The following ADGRD1 variants were observed in gnomAD, a reference collection of about 807,000 sequenced individuals.
ADGRD1 encodes the protein adhesion G protein-coupled receptor D1.
A neutral mutation model predicts 113.4 loss-of-function variants in ADGRD1; 77 were observed. That is an observed-to-expected ratio of 0.68 (90% confidence interval 0.57 to 0.82). The LOEUF (loss-of-function observed/expected upper bound fraction) is 0.82, where lower values mean the gene tolerates loss of function less well. Among genes scored for constraint, ADGRD1 ranks in the 40% least tolerant of loss-of-function variants. The probability of loss-of-function intolerance (pLI) is 0.00; values close to 1 mark genes in which losing one functional copy is unlikely to be tolerated. For synonymous variants in ADGRD1, 474 were observed against 475.0 expected (o/e 1.00, Z 0.03); for missense variants, 1,036 against 1,139.1 (o/e 0.91, Z 1.30).
intron 21 of ADGRD1, 124 bp from the exon 22 acceptor site, chr12:131,135,913 C>G: frequency 3.0e-6 from 3 of 984,950 alleles, no homozygotes; most frequent in East Asian, 5.2e-5. Flanking sequence ...AGGGAGGACC[C>G]CAGGTCTTGC....
At position 131,067,007 on chromosome 12, in the gene ADGRD1, C is replaced by T. The variant is rs113290012; in HGVS notation, c.1474-9794C>T. The stretch of plus-strand genomic sequence containing the variant: ...GGGCTTTCACAAACCCTGTACAGGG[C>T]AGGGTGAGCAGGTAGACGGGGCTGC... On this transcript the variant is annotated intron_variant, in intron 13 of 24. Transcript: ENST00000261654. Among the ~76,000 whole-genome samples the T allele has an allele frequency of 6.2e-3, 944 of 152,236 alleles. 14 individuals carry two copies. The highest frequency in any genetic ancestry group is 0.036 in the Admixed American group (550 of 15,302).
chr12:131,116,656 C>T (rs1950471594), intron 18 of ADGRD1, among the ~76,000 whole-genome samples: 1 of 152,208 alleles, frequency 6.6e-6, no homozygotes, highest in Non-Finnish European at 1.5e-5. Context: ...GCTCTTCGTG[C>T]ACTTCCATCC....
At chr12:131,078,634 G>A (rs927327896) in intron 14 of ADGRD1, among the ~76,000 whole-genome samples, 8 of 152,230 alleles carry the variant, frequency 5.3e-5, no homozygotes, top group Admixed American at 1.3e-4. Flanking sequence ...AGAAAAGTAC[G>A]GAGAATAATA....
At chr12:130,958,567 G>T (rs930391361) in intron 2 of ADGRD1, among the ~76,000 whole-genome samples, 1 of 152,132 alleles carries the variant, frequency 6.6e-6, no homozygotes, top group Non-Finnish European at 1.5e-5. Flanking sequence ...CTGCTGAAAA[G>T]CCGCATCCCT....
chr12:131,135,508 G>A (rs1252873615), intron 21 of ADGRD1, among the ~76,000 whole-genome samples: 1 of 152,194 alleles, frequency 6.6e-6, no homozygotes, highest in Non-Finnish European at 1.5e-5. Flanking sequence ...CTCACCGTCA[G>A]TGTCACAGGA....
In ADGRD1 at chr12:130,987,241, G is replaced by C. The variant is rs1873811198; in HGVS notation, c.637G>C (p.Glu213Gln). 6.2e-7 allele frequency: 1 copy of C among 1,614,240 alleles called. No individual in the cohort carries two copies. The highest frequency in any genetic ancestry group is 8.5e-7 in the Non-Finnish European group (1 of 1,180,036). The change falls in exon 6 of 25, where the codon GAG (glutamate) becomes CAG (glutamine). Residue 213 changes from glutamate to glutamine, a missense_variant. Physicochemically the swap from Glu to Gln is conservative, Grantham distance 29. Coordinates refer to ENST00000261654, the MANE Select transcript of ADGRD1 (RefSeq NM_198827.5). ...ESNVNLVIGSEQDQAKCYENG... is the reference protein window; with the variant it reads ...ESNVNLVIGSQQDQAKCYENG... ...CAACGTCAACCTCGTGATAGGGTCT[G>C]AGCAGGACCAGGCCAAGTGTTATGA...
rs1415850202 is a variant in ADGRD1 at position 131,060,218 on chromosome 12, C to T, written c.1474-16583C>T. Among the ~76,000 whole-genome samples, 1 of 152,240 alleles carries T rather than the reference C, an allele frequency of 6.6e-6. No individual in the cohort carries two copies. The highest frequency in any genetic ancestry group is 1.5e-5 in the Non-Finnish European group (1 of 68,050). ...CACTCGGTCTTCTCCAGTGCCACCT[C>T]CCTGGGGATGCTCGGGGCATCCGCC... On this transcript the variant is annotated intron_variant, in intron 13 of 24. Coordinates refer to ENST00000261654, the MANE Select transcript of ADGRD1 (RefSeq NM_198827.5). The surrounding 1 kb of genome is among the most constrained non-coding windows in gnomAD (Gnocchi z 4.4).
rs757150423 is a variant in ADGRD1 at position 130,982,077 on chromosome 12, T to G, written c.490+14T>G. 6.2e-7 allele frequency: 1 copy of G among 1,610,126 alleles called. No individual in the cohort carries two copies. The highest frequency in any genetic ancestry group is 8.5e-7 in the Non-Finnish European group (1 of 1,177,644). ...TCAGCCCCCCAGGTGAGTGACAGCATCGGTCCCGGGAGGCTCTGCCTGGAG... is the reference window on the plus strand; with the variant it reads ...TCAGCCCCCCAGGTGAGTGACAGCAGCGGTCCCGGGAGGCTCTGCCTGGAG... On this transcript the variant is annotated intron_variant, in intron 5 of 24. Coordinates refer to ENST00000261654, the MANE Select transcript of ADGRD1 (RefSeq NM_198827.5).
Position 131,096,255 on chromosome 12 carries a change from T to A in ADGRD1, c.1672-8576T>A, listed in dbSNP as rs1338370392. The stretch of plus-strand genomic sequence containing the variant: ...GCACCCTTTATTTTTATTTACAATT[T>A]ATTTGTGTTAGAGACAAGGTTGCAC... On this transcript the variant is annotated intron_variant, in intron 15 of 24. Transcript: ENST00000261654. The surrounding 1 kb of genome is among the most constrained non-coding windows in gnomAD (Gnocchi z 5.2). Among the ~76,000 whole-genome samples the A allele has an allele frequency of 6.6e-6, 1 of 152,216 alleles. No homozygotes were observed. Among genetic ancestry groups the A allele is most frequent in the Non-Finnish European group, 1.5e-5 (1 of 68,048 alleles).
intron 13 of ADGRD1, among the ~76,000 whole-genome samples, chr12:131,048,522 AT>A (rs1883067882): frequency 6.6e-6 from 1 of 152,114 alleles, no homozygotes; most frequent in Non-Finnish European, 1.5e-5. Context: ...GGGTGTGTGC[AT>A]GTGGGGCGTG....
chr12:131,066,475 T>G (rs1231713045), intron 13 of ADGRD1, among the ~76,000 whole-genome samples: 1 of 152,182 alleles, frequency 6.6e-6, no homozygotes, highest in Non-Finnish European at 1.5e-5. Flanking sequence ...CTCGGCCCCC[T>G]GTACCCTCCC....
chr12:131,020,788 G>A (rs1170983846), intron 13 of ADGRD1, among the ~76,000 whole-genome samples: 1 of 152,222 alleles, frequency 6.6e-6, no homozygotes, highest in Non-Finnish European at 1.5e-5. Context: ...TCTAGGTGTG[G>A]CTCTCAGGGG....
rs71451389 is a variant in ADGRD1 at position 130,955,123 on chromosome 12, C to CTTTTTTTTTT, written c.103+467_103+476dup. On this transcript the variant is annotated intron_variant, in intron 2 of 24. Coordinates refer to ENST00000261654, the MANE Select transcript of ADGRD1 (RefSeq NM_198827.5). ...CACAGGTGTGCACCACTACACCCAGCTTTTTTTTTTTTTGTATTTTTAGTA... is the reference window on the plus strand; with the variant it reads ...CACAGGTGTGCACCACTACACCCAGCTTTTTTTTTTTTTTTTTTTTTTTGTATTTTTAGTA... Among the ~76,000 whole-genome samples, 151 of 99,656 alleles carry CTTTTTTTTTT rather than the reference C, an allele frequency of 1.5e-3. 7 individuals are homozygous for CTTTTTTTTTT. Among genetic ancestry groups the CTTTTTTTTTT allele is most frequent in the Non-Finnish European group, 2.0e-3 (104 of 51,558 alleles). 65.4% of individuals were successfully genotyped at this position (99,656 alleles called of 152,430 possible).
intron 6 of ADGRD1, chr12:130,989,596 T>G (rs554824759): frequency 6.6e-6 from 1 of 152,202 alleles, no homozygotes; most frequent in African/African-American, 2.4e-5. Flanking sequence ...CGGGCCTCGG[T>G]GGGGACATGG....
intron 13 of ADGRD1, among the ~76,000 whole-genome samples, chr12:131,015,845 A>G (rs1428564077): frequency 6.6e-6 from 1 of 152,170 alleles, no homozygotes; most frequent in African/African-American, 2.4e-5. Flanking sequence ...TTCTCCCCAC[A>G]GTTTACAGAC....
In ADGRD1 at chr12:130,955,123, C is replaced by CTTTTTTTTTTT. The variant is rs71451389; in HGVS notation, c.103+466_103+476dup. Among the ~76,000 whole-genome samples, 89 of 99,658 alleles carry CTTTTTTTTTTT rather than the reference C, an allele frequency of 8.9e-4. 5 individuals are homozygous for CTTTTTTTTTTT. Among genetic ancestry groups the CTTTTTTTTTTT allele is most frequent in the African/African-American group, 1.2e-3 (28 of 23,116 alleles). 65.4% of individuals were successfully genotyped at this position (99,658 alleles called of 152,430 possible). A position where few individuals can be genotyped will look rare whatever the true frequency, so the allele number is the denominator to read the frequency against. On this transcript the variant is annotated intron_variant, in intron 2 of 24. Coordinates refer to ENST00000261654, the MANE Select transcript of ADGRD1 (RefSeq NM_198827.5). ...CACAGGTGTGCACCACTACACCCAGCTTTTTTTTTTTTTGTATTTTTAGTA... is the reference window on the plus strand; with the variant it reads ...CACAGGTGTGCACCACTACACCCAGCTTTTTTTTTTTTTTTTTTTTTTTTGTATTTTTAGTA...
intron 17 of ADGRD1, among the ~76,000 whole-genome samples, chr12:131,107,932 C>T (rs923770780): frequency 6.6e-6 from 1 of 152,176 alleles, no homozygotes; most frequent in African/African-American, 2.4e-5. Context: ...TTCCTGGGCT[C>T]TGGTTTCCTG....
chr12:131,083,648 A>G (rs1886235321), intron 14 of ADGRD1, among the ~76,000 whole-genome samples: 1 of 152,222 alleles, frequency 6.6e-6, no homozygotes, highest in African/African-American at 2.4e-5. Flanking sequence ...AGAGAAATGT[A>G]GAGAAGAAAA....
intron 19 of ADGRD1, among the ~76,000 whole-genome samples, chr12:131,119,090 T>G (rs1421133585): frequency 1.3e-5 from 2 of 152,088 alleles, no homozygotes; most frequent in African/African-American, 2.4e-5. Context: ...TCCTTACAAG[T>G]AAAAGAGCTT....
Sources: gnomAD v4.1 joint callset for allele counts (sites outside exome capture counted in the v4.1 genomes callset) on GRCh38, gnomAD v4.1.1 for gene constraint, Gnocchi (gnomAD v3.1) non-coding constraint, MANE v1.5 for transcripts, NCBI Gene and HGNC (gene_info 2026-07-23, HGNC 2026-07-21) for gene names.